Variants in PDLIM5 observed in about 807,000 individuals in gnomAD.
The protein encoded by PDLIM5 is PDZ and LIM domain 5, also known as PDZ and LIM domain protein 5.
In PDLIM5, 34 loss-of-function variants were observed where a neutral mutation model predicts 64.2. That is an observed-to-expected ratio of 0.53 (90% CI 0.40 to 0.71). PDLIM5 has a LOEUF of 0.71. Among genes scored for constraint, PDLIM5 ranks in the 30% least tolerant of loss-of-function variants. PDLIM5 has a pLI of 0.00. For missense variants in PDLIM5, 683 were observed against 733.6 expected (o/e 0.93, Z 0.80); for synonymous variants, 253 against 269.1 (o/e 0.94, Z 0.59).
intron 12 of PDLIM5, 63 bp downstream of exon 12, chr4:94,662,600 T>G: frequency 1.5e-6 from 1 of 680,368 alleles, no homozygotes; most frequent in South Asian, 2.0e-5. Context: ...CTTTAGTATT[T>G]AATGGAAATA....
intron 8 of PDLIM5, among the ~76,000 whole-genome samples, chr4:94,628,358 A>G (rs1283028744): frequency 6.6e-6 from 1 of 152,234 alleles, no homozygotes; most frequent in African/African-American, 2.4e-5. Context: ...ATGATAAAGT[A>G]TCATTTATTT....
At chr4:94,532,297 A>G (rs1283634951) in intron 3 of PDLIM5, among the ~76,000 whole-genome samples, 1 of 152,194 alleles carries the variant, frequency 6.6e-6, no homozygotes, top group East Asian at 1.9e-4. Context: ...GGGACGGACG[A>G]ACGTAGAAAT....
chr4:94,575,953 C>T lies in PDLIM5; in HGVS notation c.629C>T (p.Thr210Ile). 6.2e-7 allele frequency: 1 copy of T among 1,614,130 alleles called. No individual in the cohort carries two copies. Residue 210 changes from threonine (T) to isoleucine (I), a missense_variant, in exon 5 of 13, where the codon ACC (threonine) becomes ATC (isoleucine). Thr to Ile is a moderately conservative substitution (Grantham distance 89, BLOSUM62 -1). Coordinates refer to ENST00000317968, the MANE Select transcript of PDLIM5 (RefSeq NM_006457.5). The stretch of plus-strand genomic sequence containing the variant: ...AATGTCCCACGGCAGCCCACAGTCA[C>T]CAGCGTGTGTTCCGAGACTTCTCAG... ...AVNVPRQPTV[T>I]SVCSETSQEL...
At chr4:94,650,868 T>C (rs779320151) in intron 9 of PDLIM5, among the ~76,000 whole-genome samples, 13 of 151,286 alleles carry the variant, frequency 8.6e-5, no homozygotes, top group Non-Finnish European at 1.6e-4. Context: ...GGGTGAAAAG[T>C]TTCATGCCGT....
chr4:94,478,654 C>G (rs938116280), intron 2 of PDLIM5, among the ~76,000 whole-genome samples: 1 of 151,860 alleles, frequency 6.6e-6, no homozygotes, highest in East Asian at 1.9e-4. Flanking sequence ...AAGTTAGGCA[C>G]GTAAGTTAAA....
chr4:94,453,199 G>T (rs1469136557), intron 1 of PDLIM5, among the ~76,000 whole-genome samples: 1 of 152,168 alleles, frequency 6.6e-6, no homozygotes, highest in Non-Finnish European at 1.5e-5. Context: ...GAAAGAGTAT[G>T]CTGCTATTTC....
At chr4:94,503,222 T>C (rs2110086717) in intron 2 of PDLIM5, among the ~76,000 whole-genome samples, 1 of 152,320 alleles carries the variant, frequency 6.6e-6, no homozygotes, top group South Asian at 2.1e-4. Flanking sequence ...AATTACTTTA[T>C]ATAGTCTACA....
chr4:94,494,432 G>GTTTTTTTTTTT (rs61675663), intron 2 of PDLIM5, among the ~76,000 whole-genome samples: 140 of 70,764 alleles, frequency 2.0e-3, no homozygotes, highest in East Asian at 4.4e-3. Context: ...TTTTTTTCTT[G>GTTTTTTTTTTT]TTTTTTTTTT....
intron 2 of PDLIM5, among the ~76,000 whole-genome samples, chr4:94,480,423 T>A (rs930449220): frequency 1.3e-5 from 2 of 152,162 alleles, no homozygotes; most frequent in African/African-American, 2.4e-5. Flanking sequence ...TCAAACAGGA[T>A]CTATGGGTAT....
chr4:94,511,894 G>A (rs1728913567), intron 2 of PDLIM5, among the ~76,000 whole-genome samples: 1 of 152,072 alleles, frequency 6.6e-6, no homozygotes, highest in Non-Finnish European at 1.5e-5. Flanking sequence ...CACTTAGGTT[G>A]CCTCCAAATC....
At chr4:94,663,015 A>G (rs955545292) in intron 12 of PDLIM5, among the ~76,000 whole-genome samples, 1 of 152,194 alleles carries the variant, frequency 6.6e-6, no homozygotes, top group African/African-American at 2.4e-5. Context: ...CTATGGTCCA[A>G]TAAACGTGAT....
chr4:94,510,580 A>C (rs992611083), intron 2 of PDLIM5, among the ~76,000 whole-genome samples: 2 of 152,182 alleles, frequency 1.3e-5, no homozygotes, highest in African/African-American at 4.8e-5. Flanking sequence ...ATTATTGTTC[A>C]TCTGATAGTC....
chr4:94,556,260 G>A (rs1733311234), intron 3 of PDLIM5, among the ~76,000 whole-genome samples: 1 of 152,030 alleles, frequency 6.6e-6, no homozygotes, highest in Non-Finnish European at 1.5e-5. Context: ...ACTGCATAGT[G>A]TTCCATGGTG....
chr4:94,466,582 T>A (rs1030828984), intron 2 of PDLIM5, among the ~76,000 whole-genome samples: 38 of 152,082 alleles, frequency 2.5e-4, no homozygotes, highest in East Asian at 7.7e-4. Flanking sequence ...AAAAAAAAAA[T>A]TTTATTATAG....
Position 94,662,479 on chromosome 4 carries a change from GTGACA to G in PDLIM5, c.1646_1650del (p.Asp549ValfsTer11). Reference sequence around the variant, plus strand: ...GGATGTGAATTTCCCATAGAAGCTGGTGACATGTTCCTGGAAGCTCTGGGCTACAC... The same window carrying G: ...GGATGTGAATTTCCCATAGAAGCTGGTGTTCCTGGAAGCTCTGGGCTACAC... On this transcript the variant is annotated frameshift_variant, in exon 12 of 13. Coordinates refer to ENST00000317968, the MANE Select transcript of PDLIM5 (RefSeq NM_006457.5). LOFTEE classifies it high-confidence loss of function. 6.2e-7 allele frequency: 1 copy of G among 1,608,584 alleles called. No individual in the cohort carries two copies. The highest frequency in any genetic ancestry group is 8.5e-7 in the Non-Finnish European group (1 of 1,175,166).
chr4:94,487,372 A>G (rs1289551355), intron 2 of PDLIM5, among the ~76,000 whole-genome samples: 2 of 152,222 alleles, frequency 1.3e-5, no homozygotes, highest in Non-Finnish European at 2.9e-5. Flanking sequence ...CATAATTTCA[A>G]TGTAATTTGA....
chr4:94,485,677 C>CA lies in PDLIM5; in HGVS notation c.96+30304dup, dbSNP rs796854339. ...TGAAACCCTGTCTCTACTAAAAATA[C>CA]AAAAAAAAAAACCCCAAAAACCACT... is the stretch of plus-strand genomic sequence containing the variant. On this transcript the variant is annotated intron_variant, in intron 2 of 12. Transcript: ENST00000317968. 3.8e-3 allele frequency among the ~76,000 whole-genome samples: 533 copies of CA among 139,616 alleles called. 1 individual carries two copies. Among genetic ancestry groups the CA allele is most frequent in the Non-Finnish European group, 4.4e-3 (281 of 63,734 alleles). The allele number at this position is 139,616 out of a possible 152,430, so 91.6% of individuals were successfully genotyped here. A position where few individuals can be genotyped will look rare whatever the true frequency, so the allele number is the denominator to read the frequency against.
At chr4:94,520,241 A>C (rs1206307108) in intron 2 of PDLIM5, among the ~76,000 whole-genome samples, 1 of 152,202 alleles carries the variant, frequency 6.6e-6, no homozygotes, top group Non-Finnish European at 1.5e-5. Flanking sequence ...GTACTGAAAA[A>C]TGCATTTAAA....
chr4:94,529,217 A>G (rs1730640838), intron 3 of PDLIM5, among the ~76,000 whole-genome samples: 1 of 152,188 alleles, frequency 6.6e-6, no homozygotes, highest in South Asian at 2.1e-4. Context: ...AGTCACGGAA[A>G]GGAAGGCCAG....
Sources: gnomAD v4.1 joint callset for allele counts (sites outside exome capture counted in the v4.1 genomes callset) on GRCh38, gnomAD v4.1.1 for gene constraint, MANE v1.5 for transcripts, NCBI Gene and HGNC (gene_info 2026-07-23, HGNC 2026-07-21) for gene names.